Variants in TMEM131L observed in about 807,000 individuals in gnomAD.
TMEM131L encodes the protein transmembrane 131 like, also known as transmembrane protein 131-like.
In TMEM131L, 54 loss-of-function variants were observed where a neutral mutation model predicts 192.2. The ratio of observed to expected loss-of-function variants is 0.28; its 90% confidence interval spans 0.23 to 0.35. TMEM131L has a LOEUF of 0.35. TMEM131L is among the 10% of genes least tolerant of loss of function. The probability of loss-of-function intolerance (pLI) is 1.00; values close to 1 mark genes in which losing one functional copy is unlikely to be tolerated. For missense variants in TMEM131L, 1,888 were observed against 1,972.9 expected (o/e 0.96, Z 0.82); for synonymous variants, 701 against 704.9 (o/e 0.99, Z 0.09).
chr4:153,615,163 GGAT>G (rs1170797634), intron 26 of TMEM131L, among the ~76,000 whole-genome samples: 16 of 152,132 alleles, frequency 1.1e-4, no homozygotes, highest in African/African-American at 3.6e-4. Flanking sequence ...TGCAAAATAA[GGAT>G]GATAATTGTA....
intron 3 of TMEM131L, among the ~76,000 whole-genome samples, chr4:153,509,327 C>A (rs866807198): frequency 1.7e-4 from 25 of 150,980 alleles, no homozygotes; most frequent in African/African-American, 6.1e-4. Flanking sequence ...ATCCTGCCAC[C>A]GCACTCTAAC....
At chr4:153,610,870 T>A (rs1732563349) in intron 25 of TMEM131L, among the ~76,000 whole-genome samples, 1 of 152,206 alleles carries the variant, frequency 6.6e-6, no homozygotes, top group Non-Finnish European at 1.5e-5. Context: ...GGGAAATATT[T>A]GCTCTGCCCT....
At chr4:153,549,505 A>G (rs926000455) in intron 3 of TMEM131L, among the ~76,000 whole-genome samples, 9 of 152,142 alleles carry the variant, frequency 5.9e-5, no homozygotes, top group African/African-American at 2.2e-4. Flanking sequence ...ATGTTTTGAT[A>G]TGTTTTTCTG....
At chr4:153,565,715 T>C (rs1729143486) in intron 7 of TMEM131L, among the ~76,000 whole-genome samples, 1 of 148,588 alleles carries the variant, frequency 6.7e-6, no homozygotes, top group South Asian at 2.1e-4. Context: ...GTCCCAACAG[T>C]AGAAAAAGAA....
chr4:153,473,972 A>G (rs1176815164), intron 3 of TMEM131L, 84 bp downstream of exon 3: 6 of 854,794 alleles, frequency 7.0e-6, no homozygotes, highest in East Asian at 2.8e-5. Flanking sequence ...GTATATGTCC[A>G]TGTTTATGTA....
intron 6 of TMEM131L, 34 bp from the exon 7 acceptor site, chr4:153,558,224 T>C: frequency 8.3e-7 from 1 of 1,202,984 alleles, no homozygotes; most frequent in Non-Finnish European, 1.2e-6. Flanking sequence ...TTAAAACTCT[T>C]AACAGAGGAG....
chr4:153,477,910 A>G (rs1731663783), intron 3 of TMEM131L, among the ~76,000 whole-genome samples: 1 of 152,168 alleles, frequency 6.6e-6, no homozygotes, highest in South Asian at 2.1e-4. Flanking sequence ...ACTACAATAA[A>G]TTTTAGAAGA....
chr4:153,578,598 G>A (rs879355544), intron 7 of TMEM131L, among the ~76,000 whole-genome samples: 4 of 150,398 alleles, frequency 2.7e-5, no homozygotes, highest in Non-Finnish European at 4.4e-5. Flanking sequence ...TCGGCACACT[G>A]CAAGCTCTGC....
chr4:153,630,082 A>G (rs1284302636), intron 31 of TMEM131L, among the ~76,000 whole-genome samples: 1 of 152,234 alleles, frequency 6.6e-6, no homozygotes. Context: ...TAAAGGAGCC[A>G]GTGTTGCTTC....
At chr4:153,558,544 G>A (rs1244022668) in intron 7 of TMEM131L, 176 bp downstream of exon 7, 4 of 423,542 alleles carry the variant, frequency 9.4e-6, no homozygotes, top group Non-Finnish European at 1.7e-5. Context: ...AGTTCACAGT[G>A]TTGATATTCC....
chr4:153,535,294 C>G (rs1736232012), intron 3 of TMEM131L, among the ~76,000 whole-genome samples: 1 of 152,068 alleles, frequency 6.6e-6, no homozygotes, highest in African/African-American at 2.4e-5. Flanking sequence ...ATCAGGAGCT[C>G]AGTTTCACAC....
At chr4:153,561,209 T>C (rs1392410165) in intron 7 of TMEM131L, among the ~76,000 whole-genome samples, 1 of 152,190 alleles carries the variant, frequency 6.6e-6, no homozygotes, top group East Asian at 1.9e-4. Flanking sequence ...GTTCATATCC[T>C]TTGCACATTT....
At chr4:153,503,912 T>C (rs1349031718) in intron 3 of TMEM131L, among the ~76,000 whole-genome samples, 1 of 152,222 alleles carries the variant, frequency 6.6e-6, no homozygotes, top group Non-Finnish European at 1.5e-5. Flanking sequence ...TTTCAACGTA[T>C]ATTGAAGCCT....
intron 30 of TMEM131L, among the ~76,000 whole-genome samples, chr4:153,626,840 T>G (rs1733879209): frequency 6.6e-6 from 1 of 152,224 alleles, no homozygotes. Context: ...ATTTACCCTT[T>G]GCTAGGCCTT....
intron 3 of TMEM131L, among the ~76,000 whole-genome samples, chr4:153,475,970 G>A (rs571569533): frequency 2.2e-4 from 33 of 152,046 alleles, no homozygotes; most frequent in Admixed American, 4.6e-4. Context: ...AACTTTTTTT[G>A]TTTTTGGAAA....
chr4:153,467,782 C>CT (rs1233497360), intron 2 of TMEM131L, among the ~76,000 whole-genome samples: 2 of 152,166 alleles, frequency 1.3e-5, no homozygotes, highest in Non-Finnish European at 2.9e-5. Flanking sequence ...CACTTAAGAA[C>CT]TTGAATTTCT....
intron 3 of TMEM131L, among the ~76,000 whole-genome samples, chr4:153,538,530 CTT>C (rs922894681): frequency 1.5e-4 from 23 of 150,974 alleles, no homozygotes; most frequent in African/African-American, 4.1e-4. Flanking sequence ...GTTTGAGTGA[CTT>C]TTATTGCTTC....
At chr4:153,495,247 G>A (rs758375796) in intron 3 of TMEM131L, among the ~76,000 whole-genome samples, 82 of 152,098 alleles carry the variant, frequency 5.4e-4, no homozygotes, top group East Asian at 1.7e-3. Context: ...AACCTGGGAG[G>A]CATCCTAGGT....
chr4:153,588,446 C>G (rs933899215), intron 15 of TMEM131L, among the ~76,000 whole-genome samples: 1 of 148,112 alleles, frequency 6.8e-6, no homozygotes, highest in Non-Finnish European at 1.5e-5. Context: ...CAGTTATAAA[C>G]ATGCATCTTC....
Sources: gnomAD v4.1 joint callset for allele counts (sites outside exome capture counted in the v4.1 genomes callset) on GRCh38, gnomAD v4.1.1 for gene constraint, MANE v1.5 for transcripts, NCBI Gene and HGNC (gene_info 2026-07-23, HGNC 2026-07-21) for gene names.